The following TMED8 variants were observed in gnomAD, a reference collection of about 807,000 sequenced individuals.
TMED8 encodes transmembrane p24 trafficking protein family member 8.
A neutral mutation model predicts 32.7 loss-of-function variants in TMED8; 15 were observed. That is an observed-to-expected ratio of 0.46 (90% CI 0.31 to 0.71). The LOEUF (loss-of-function observed/expected upper bound fraction) is 0.71. Ranked by LOEUF, TMED8 falls within the 30% of genes least tolerant of loss-of-function variation. The probability of loss-of-function intolerance (pLI) is 0.06; values close to 1 mark genes in which losing one functional copy is unlikely to be tolerated. For missense variants in TMED8, 390 were observed against 423.9 expected, an observed-to-expected ratio of 0.92 and a Z score of 0.70; for synonymous variants, 147 against 161.4, an observed-to-expected ratio of 0.91 and a Z score of 0.68.
At chr14:77,357,739 A>G (rs914732997) in intron 1 of TMED8, among the ~76,000 whole-genome samples, 4 of 152,216 alleles carry the variant, frequency 2.6e-5, no homozygotes, top group African/African-American at 9.6e-5. Context: ...TGCTTATAGC[A>G]TAAGTTCTGA....
At chr14:77,366,445 T>C (rs1315637615) in intron 1 of TMED8, among the ~76,000 whole-genome samples, 2 of 152,326 alleles carry the variant, frequency 1.3e-5, no homozygotes, top group South Asian at 2.1e-4. Flanking sequence ...AACAGCCAAG[T>C]TGTTCTTGCT....
intron 3 of TMED8, 62 bp downstream of exon 3, chr14:77,346,287 C>CCA (rs1328017613): frequency 6.4e-7 from 1 of 1,571,658 alleles, no homozygotes; most frequent in Non-Finnish European, 8.7e-7. Flanking sequence ...TCCAACCCAA[C>CCA]CACTATGTGT....
At position 77,343,337 on chromosome 14, in the gene TMED8, C is replaced by G; in HGVS notation, c.601G>C (p.Gly201Arg). Residue 201 changes from glycine to arginine, a missense_variant, in exon 5 of 6, where the codon GGG (glycine) becomes CGG (arginine). Coordinates refer to ENST00000216468, the MANE Select transcript of TMED8 (RefSeq NM_213601.3). Reference sequence around the variant, plus strand: ...GCAAACTCCCAGCAGACACGCTTCCCCTCTGGATGAGTAGGTACCCGGATG... The same window carrying G: ...GCAAACTCCCAGCAGACACGCTTCCGCTCTGGATGAGTAGGTACCCGGATG... ...VTIRVPTHPE[G>R]KRVCWEFATD... The G allele has an allele frequency of 6.2e-7, 1 of 1,614,134 alleles. No homozygotes were observed. Among genetic ancestry groups the G allele is most frequent in the Non-Finnish European group, 8.5e-7 (1 of 1,180,026 alleles).
intron 1 of TMED8, among the ~76,000 whole-genome samples, chr14:77,362,308 T>C (rs1372365006): frequency 3.3e-5 from 5 of 152,146 alleles, no homozygotes; most frequent in Non-Finnish European, 1.5e-5. Context: ...AAGTTTTCAT[T>C]TTTCCACACT....
intron 1 of TMED8, among the ~76,000 whole-genome samples, chr14:77,363,811 A>C (rs1893491459): frequency 6.6e-6 from 1 of 151,610 alleles, no homozygotes; most frequent in African/African-American, 2.4e-5. Context: ...GCATGCCACC[A>C]CAGCTGGCTC....
At position 77,346,395 on chromosome 14, in the gene TMED8, A is replaced by T. The variant is rs539915101; in HGVS notation, c.281T>A (p.Val94Glu). The change falls in exon 3 of 6, where the codon GTG becomes GAG. Residue 94 changes from valine (V) to glutamate (E), a missense_variant. By Grantham distance (121) the Val-to-Glu change is moderately radical. Coordinates refer to ENST00000216468, the MANE Select transcript of TMED8 (RefSeq NM_213601.3). The part of the protein sequence containing the change: ...ATGPLEAQAL[V>E]KQDLLPADQA... ...GTCTGCAGGCAGCAAATCCTGTTTC[A>T]CCAAGGCCTGAGCCTCCAAAGGACC... The T allele has an allele frequency of 4.4e-5, 71 of 1,613,986 alleles. No individual in the cohort carries two copies. Among genetic ancestry groups the T allele is most frequent in the Non-Finnish European group, 5.8e-5 (69 of 1,180,006 alleles).
At position 77,341,542 on chromosome 14, in the gene TMED8, A is replaced by G; in HGVS notation, c.*229T>C. 3.5e-6 allele frequency: 2 copies of G among 566,496 alleles called. No homozygotes were observed. The highest frequency in any genetic ancestry group is 6.3e-6 in the Non-Finnish European group (2 of 316,068). The allele number at this position is 566,496 out of a possible 1,614,324, so 35.1% of individuals were successfully genotyped here. ...CAAGAGGGAATTTGCTGGAGTCTGA[A>G]GCAAGAAGGGTATGAGTCAGGGACT... On this transcript the variant is annotated 3_prime_UTR_variant, in exon 6 of 6. Transcript: ENST00000216468.
chr14:77,356,505 T>C (rs1048555060), intron 1 of TMED8, among the ~76,000 whole-genome samples: 4 of 152,246 alleles, frequency 2.6e-5, no homozygotes, highest in African/African-American at 9.6e-5. Context: ...CCTGGTTTCC[T>C]CCATGCCCTA....
chr14:77,346,774 T>TG (rs1442759900), intron 2 of TMED8, among the ~76,000 whole-genome samples: 2 of 146,570 alleles, frequency 1.4e-5, no homozygotes, highest in Non-Finnish European at 3.0e-5. Flanking sequence ...TTTTTTTTTT[T>TG]TTTTTTTTTT....
chr14:77,360,401 C>A (rs1486437820), intron 1 of TMED8, among the ~76,000 whole-genome samples: 1 of 151,668 alleles, frequency 6.6e-6, no homozygotes, highest in Non-Finnish European at 1.5e-5. Context: ...TTTCTGTGTA[C>A]TTGACTTTTT....
intron 1 of TMED8, among the ~76,000 whole-genome samples, chr14:77,352,222 C>T (rs1893196878): frequency 6.6e-6 from 1 of 151,638 alleles, no homozygotes; most frequent in South Asian, 2.1e-4. Flanking sequence ...CAAGACCAGC[C>T]TGATCAACAC....
intron 1 of TMED8, among the ~76,000 whole-genome samples, chr14:77,361,847 T>C (rs537152749): frequency 1.3e-5 from 2 of 152,314 alleles, no homozygotes; most frequent in East Asian, 3.9e-4. Context: ...TGGAGTGCAG[T>C]GGCACAATCA....
intron 1 of TMED8, among the ~76,000 whole-genome samples, chr14:77,356,045 G>A (rs1386471327): frequency 6.6e-6 from 1 of 152,184 alleles, no homozygotes; most frequent in African/African-American, 2.4e-5. Flanking sequence ...GGACCTCTGA[G>A]TCTAGGAGAG....
intron 1 of TMED8, among the ~76,000 whole-genome samples, chr14:77,354,148 TCCAGGTG>T (rs1179011769): frequency 6.6e-6 from 1 of 152,208 alleles, no homozygotes; most frequent in Non-Finnish European, 1.5e-5. Flanking sequence ...GAACAACTTT[TCCAGGTG>T]TGTTCCAATC....
chr14:77,342,448 A>G lies in TMED8; in HGVS notation c.761-460T>C, dbSNP rs146967348. Among the ~76,000 whole-genome samples the G allele has an allele frequency of 9.1e-5, 10 of 110,464 alleles. No individual in the cohort carries two copies. In the East Asian group the frequency reaches 1.6e-3, roughly 18 times the overall value. 72.5% of individuals were successfully genotyped at this position (110,464 alleles called of 152,430 possible). On this transcript the variant is annotated intron_variant, in intron 5 of 5. Coordinates refer to ENST00000216468, the MANE Select transcript of TMED8 (RefSeq NM_213601.3). ...AGTGACCCTAGGATTCCTGAAAAGC[A>G]GCAAATAAGATACAAGGTTCTCCGC...
chr14:77,354,167 G>A (rs1251933447), intron 1 of TMED8, among the ~76,000 whole-genome samples: 2 of 152,012 alleles, frequency 1.3e-5, no homozygotes, highest in African/African-American at 2.4e-5. Context: ...GTTCCAATCC[G>A]TGCAGACTAC....
At chr14:77,372,252 T>C (rs1292515419) in intron 1 of TMED8, among the ~76,000 whole-genome samples, 1 of 152,238 alleles carries the variant, frequency 6.6e-6, no homozygotes, top group Non-Finnish European at 1.5e-5. Flanking sequence ...TAAATGTGCA[T>C]TTTCTTTCTA....
chr14:77,345,712 G>A (rs942592487), intron 3 of TMED8, among the ~76,000 whole-genome samples: 10 of 149,454 alleles, frequency 6.7e-5, no homozygotes, highest in Admixed American at 4.0e-4. Flanking sequence ...GCTCACATCT[G>A]TAATCATAGC....
At chr14:77,345,435 C>T (rs1893002798) in intron 3 of TMED8, among the ~76,000 whole-genome samples, 1 of 152,084 alleles carries the variant, frequency 6.6e-6, no homozygotes, top group Non-Finnish European at 1.5e-5. Flanking sequence ...TCTTCATTGA[C>T]ACTAATACCA....
Sources: gnomAD v4.1 joint callset for allele counts (sites outside exome capture counted in the v4.1 genomes callset) on GRCh38, gnomAD v4.1.1 for gene constraint, MANE v1.5 for transcripts, NCBI Gene and HGNC (gene_info 2026-07-23, HGNC 2026-07-21) for gene names.